Variants in UMAD1 observed in about 807,000 individuals in gnomAD.
UMAD1 encodes the protein UBAP1-MVB12-associated (UMA)-domain containing protein 1.
UMAD1 carries 8 observed loss-of-function variants against 6.1 expected under a neutral mutation model. That is an observed-to-expected ratio of 1.30 (90% confidence interval 0.76 to 2.35). The LOEUF is 2.35. Ranked by LOEUF, UMAD1 falls within the 30% of genes most tolerant of loss-of-function variation. UMAD1 has a pLI of 0.00. For missense variants in UMAD1, 130 were observed against 78.4 expected, an observed-to-expected ratio of 1.66 and a Z score of -2.49; for synonymous variants, 56 against 31.4, an observed-to-expected ratio of 1.78 and a Z score of -2.61.
chr7:7,737,570 A>G (rs1389499249), intron 2 of UMAD1, among the ~76,000 whole-genome samples: 1 of 152,226 alleles, frequency 6.6e-6, no homozygotes. Context: ...CCACTGGGAA[A>G]AACTCAGTAT....
Position 7,790,742 on chromosome 7 carries a change from A to G in UMAD1, c.83-10928A>G, listed in dbSNP as rs114736041. 6.5e-3 allele frequency among the ~76,000 whole-genome samples: 988 copies of G among 152,338 alleles called. 9 individuals carry two copies. The highest frequency in any genetic ancestry group is 0.019 in the African/African-American group (793 of 41,578). ...CGTTCATCTTGTATAGCTGAATGACATGTGTGACATCTTTAATAAAACCAA... is the reference window on the plus strand; with the variant it reads ...CGTTCATCTTGTATAGCTGAATGACGTGTGTGACATCTTTAATAAAACCAA... On this transcript the variant is annotated intron_variant, in intron 2 of 3. Coordinates refer to ENST00000682710, the MANE Select transcript of UMAD1 (RefSeq NM_001302348.2).
rs975763147 is a variant in UMAD1, at chr7:7,678,206, C to A, written c.82+4753C>A. On this transcript the variant is annotated intron_variant, in intron 2 of 3. Coordinates refer to ENST00000682710, the MANE Select transcript of UMAD1 (RefSeq NM_001302348.2). ...CTGTACTAATTTACATTCCTGCCAC[C>A]AGGGTATGAGGTCCCTTTTCTACAC... Among the ~76,000 whole-genome samples the A allele has an allele frequency of 4.6e-5, 7 of 151,788 alleles. No individual in the cohort carries two copies. In the South Asian group the frequency reaches 1.2e-3, roughly 27 times the overall value.
intron 1 of UMAD1, among the ~76,000 whole-genome samples, chr7:7,658,513 A>G (rs891591234): frequency 1.3e-5 from 2 of 152,202 alleles, no homozygotes; most frequent in African/African-American, 4.8e-5. Flanking sequence ...GAGAGTTTTT[A>G]GTATGAAGGG....
chr7:7,840,419 G>A (rs1783657297), intron 3 of UMAD1, among the ~76,000 whole-genome samples: 1 of 151,834 alleles, frequency 6.6e-6, no homozygotes, highest in Non-Finnish European at 1.5e-5. Flanking sequence ...CTCTGGGTGT[G>A]GTTTCTCGGG....
At position 7,717,356 on chromosome 7, in the gene UMAD1, C is replaced by T. The variant is rs566168634; in HGVS notation, c.82+43903C>T. 5.1e-4 allele frequency among the ~76,000 whole-genome samples: 77 copies of T among 152,302 alleles called. 1 individual carries two copies. Among genetic ancestry groups the T allele is most frequent in the Non-Finnish European group, 2.5e-4 (17 of 68,028 alleles). ...ACAGGCATAAGCCACCTCGCCCAGC[C>T]TCCTGTTTCTTTCATCTATTAAAAC... On this transcript the variant is annotated intron_variant, in intron 2 of 3. Transcript: ENST00000682710.
chr7:7,741,569 A>G (rs1200101699), intron 2 of UMAD1, among the ~76,000 whole-genome samples: 1 of 136,594 alleles, frequency 7.3e-6, no homozygotes, highest in East Asian at 2.0e-4. Flanking sequence ...AGAGCGAGAC[A>G]ACGTCTCAAA....
chr7:7,702,103 A>G (rs1417938711), intron 2 of UMAD1, among the ~76,000 whole-genome samples: 1 of 152,214 alleles, frequency 6.6e-6, no homozygotes. Flanking sequence ...AAGGTAGGGA[A>G]GTGATTACTA....
chr7:7,756,111 A>T (rs1781770507), intron 2 of UMAD1, among the ~76,000 whole-genome samples: 1 of 152,200 alleles, frequency 6.6e-6, no homozygotes. Context: ...ATCAGAGTAA[A>T]TGCTAAAACT....
At chr7:7,840,152 G>T (rs1783650541) in intron 3 of UMAD1, among the ~76,000 whole-genome samples, 1 of 152,138 alleles carries the variant, frequency 6.6e-6, no homozygotes, top group South Asian at 2.1e-4. Context: ...AGCTTCCAGA[G>T]TATGTGAGGC....
At chr7:7,876,231 A>G (rs1784416673) in intron 3 of UMAD1, among the ~76,000 whole-genome samples, 1 of 152,176 alleles carries the variant, frequency 6.6e-6, no homozygotes, top group South Asian at 2.1e-4. Flanking sequence ...AGGCAGAAGC[A>G]GGCTCGGTGT....
intron 2 of UMAD1, among the ~76,000 whole-genome samples, chr7:7,759,789 C>T (rs924192003): frequency 2.6e-5 from 4 of 151,718 alleles, no homozygotes; most frequent in Non-Finnish European, 4.4e-5. Context: ...GAAAGATATA[C>T]GAGGGGAAAA....
rs150417851 is a variant in UMAD1, at chr7:7,763,373, C to A, written c.83-38297C>A. Reference sequence around the variant, plus strand: ...ATGGATCCCATCACCTGGGTAGTGACCCTAGTACTCAATAAGTGGTTCTTC... The same window carrying A: ...ATGGATCCCATCACCTGGGTAGTGAACCTAGTACTCAATAAGTGGTTCTTC... On this transcript the variant is annotated intron_variant, in intron 2 of 3. Transcript: ENST00000682710. Among the ~76,000 whole-genome samples the A allele has an allele frequency of 9.1e-3, 1,381 of 151,650 alleles. 22 individuals are homozygous for A. The highest frequency in any genetic ancestry group is 0.031 in the African/African-American group (1,296 of 41,438).
intron 1 of UMAD1, among the ~76,000 whole-genome samples, chr7:7,646,480 ATTT>A (rs35948027): frequency 0.22 from 24,862 of 111,104 alleles, 2,557 homozygotes; most frequent in Admixed American, 0.26. Flanking sequence ...CTTTCGCTGG[ATTT>A]TTTTTTTTTT....
At chr7:7,656,101 C>G (rs1330794751) in intron 1 of UMAD1, among the ~76,000 whole-genome samples, 1 of 152,114 alleles carries the variant, frequency 6.6e-6, no homozygotes, top group Admixed American at 6.5e-5. Flanking sequence ...TCCCAAAGTA[C>G]TGAGATTACA....
chr7:7,720,860 C>T (rs931720786), intron 2 of UMAD1, among the ~76,000 whole-genome samples: 16 of 152,274 alleles, frequency 1.1e-4, no homozygotes, highest in African/African-American at 2.6e-4. Flanking sequence ...TTTAAGACTT[C>T]ACCCCCAGTA....
chr7:7,872,771 T>C (rs1241384122), intron 3 of UMAD1, among the ~76,000 whole-genome samples: 1 of 152,230 alleles, frequency 6.6e-6, no homozygotes, highest in Non-Finnish European at 1.5e-5. Flanking sequence ...TCAGGAATGC[T>C]TTTGTTTAAA....
intron 1 of UMAD1, among the ~76,000 whole-genome samples, chr7:7,649,509 T>C (rs1169538565): frequency 6.6e-6 from 1 of 152,214 alleles, no homozygotes; most frequent in Non-Finnish European, 1.5e-5. Flanking sequence ...TTGGGGAACA[T>C]ATTCAAACCA....
intron 2 of UMAD1, among the ~76,000 whole-genome samples, chr7:7,743,075 T>G (rs115918396): frequency 1.6e-3 from 247 of 152,328 alleles, no homozygotes; most frequent in African/African-American, 5.7e-3. Flanking sequence ...TGTATTTAAA[T>G]GTTACTTTTA....
chr7:7,793,678 G>A (rs1329831550), intron 2 of UMAD1, among the ~76,000 whole-genome samples: 3 of 152,062 alleles, frequency 2.0e-5, no homozygotes, highest in Non-Finnish European at 2.9e-5. Context: ...GCATTAACAG[G>A]GAGTCATGAA....
Sources: allele counts gnomAD v4.1 joint callset (sites outside exome capture counted in the v4.1 genomes callset), GRCh38; gene constraint gnomAD v4.1.1; transcripts MANE v1.5; gene names NCBI Gene and HGNC (gene_info 2026-07-23, HGNC 2026-07-21).